The following DCAF7 variants were observed in gnomAD, a reference collection of about 807,000 sequenced individuals.
The protein encoded by DCAF7 is DDB1 and CUL4 associated factor 7, also known as DDB1- and CUL4-associated factor 7.
Under a neutral mutation model 41.2 loss-of-function variants are expected in DCAF7, and 4 were observed. The observed-to-expected ratio is 0.10, with a 90% CI of 0.05 to 0.22. The LOEUF (loss-of-function observed/expected upper bound fraction) is 0.22. Among genes scored for constraint, DCAF7 ranks in the 10% least tolerant of loss-of-function variants. The pLI, the probability that DCAF7 is intolerant of heterozygous loss-of-function variation, is 1.00. For missense variants in DCAF7, 131 were observed against 443.2 expected (o/e 0.30, Z 6.32); for synonymous variants, 143 against 164.2 (o/e 0.87, Z 0.99).
At chr17:63,586,424 C>T (rs529178989) in intron 6 of DCAF7, among the ~76,000 whole-genome samples, 94 of 152,044 alleles carry the variant, frequency 6.2e-4, no homozygotes, top group Non-Finnish European at 1.1e-3. Context: ...CACTGTACTC[C>T]AGCCTGGGCA....
At chr17:63,555,620 A>G (rs2033302537) in intron 1 of DCAF7, among the ~76,000 whole-genome samples, 1 of 152,178 alleles carries the variant, frequency 6.6e-6, no homozygotes, top group African/African-American at 2.4e-5. Context: ...GGTACACATC[A>G]GTACTTTTGA....
intron 1 of DCAF7, among the ~76,000 whole-genome samples, chr17:63,567,666 T>C (rs908537581): frequency 1.3e-5 from 2 of 152,210 alleles, no homozygotes; most frequent in Middle Eastern, 3.2e-3. Context: ...GTCCTTCTTT[T>C]TTTTCCCCCC....
At chr17:63,566,659 A>G (rs1454868529) in intron 1 of DCAF7, among the ~76,000 whole-genome samples, 3 of 152,194 alleles carry the variant, frequency 2.0e-5, no homozygotes, top group African/African-American at 7.2e-5. Context: ...GGTGGCTGAC[A>G]CTGGTAATCC....
chr17:63,571,699 G>A (rs1047779600), intron 1 of DCAF7, among the ~76,000 whole-genome samples: 2 of 152,002 alleles, frequency 1.3e-5, no homozygotes, highest in African/African-American at 2.4e-5. Flanking sequence ...TCTTCTGAAA[G>A]CATTGATAAG....
At chr17:63,552,088 A>G (rs1213752361) in intron 1 of DCAF7, among the ~76,000 whole-genome samples, 2 of 151,866 alleles carry the variant, frequency 1.3e-5, no homozygotes, top group African/African-American at 2.4e-5. Context: ...AGAAAAAAAA[A>G]GAAGAATAAA....
intron 1 of DCAF7, among the ~76,000 whole-genome samples, chr17:63,573,550 C>T (rs113833002): frequency 0.017 from 2,510 of 151,942 alleles, 76 homozygotes; most frequent in African/African-American, 0.058. Context: ...CATGGTGAAA[C>T]CCCATCTCTA....
At chr17:63,551,300 T>TCC (rs2033250711) in intron 1 of DCAF7, among the ~76,000 whole-genome samples, 9 of 61,720 alleles carry the variant, frequency 1.5e-4, no homozygotes, top group South Asian at 1.1e-3. Flanking sequence ...CCCCGCCCCC[T>TCC]ACTCCCACCC....
intron 1 of DCAF7, among the ~76,000 whole-genome samples, chr17:63,563,269 G>A (rs1280416769): frequency 6.6e-6 from 1 of 152,152 alleles, no homozygotes; most frequent in Non-Finnish European, 1.5e-5. Flanking sequence ...AACCTCACAG[G>A]TAGTTAAGGG....
intron 6 of DCAF7, among the ~76,000 whole-genome samples, chr17:63,586,680 T>C (rs542965689): frequency 9.1e-4 from 138 of 151,868 alleles, no homozygotes; most frequent in African/African-American, 2.9e-3. Flanking sequence ...GAGAATCGCT[T>C]GAACCTGGGA....
rs547581903 is a variant in DCAF7 at position 63,591,888 on chromosome 17, T to A, written c.*2716T>A. ...CAGCTGGTGATGGCCCTTTTGCTCC[T>A]GGCAGCCTGAGGCACAGCTGCCTGT... On this transcript the variant is annotated 3_prime_UTR_variant, in exon 7 of 7. Coordinates refer to ENST00000614556, the MANE Select transcript of DCAF7 (RefSeq NM_005828.5). 6.6e-6 allele frequency: 1 copy of A among 152,456 alleles called. No homozygotes were observed. Among genetic ancestry groups the A allele is most frequent in the African/African-American group, 2.4e-5 (1 of 41,582 alleles). The allele number at this position is 152,456 out of a possible 1,614,324, so 9.4% of individuals were successfully genotyped here.
At position 63,574,019 on chromosome 17, in the gene DCAF7, G is replaced by A. The variant is rs552584293; in HGVS notation, c.139-4451G>A. 5.9e-5 allele frequency among the ~76,000 whole-genome samples: 9 copies of A among 152,122 alleles called. No individual in the cohort carries two copies. The South Asian group carries it at 1.9e-3, about 32-fold the overall frequency. On this transcript the variant is annotated intron_variant, in intron 1 of 6. Transcript: ENST00000614556. Reference sequence around the variant, plus strand: ...CGGGGGAAGGTGAAGGTTGCTTTTGGTGCCTTCCAGCCTACCCTCAGCACA... The same window carrying A: ...CGGGGGAAGGTGAAGGTTGCTTTTGATGCCTTCCAGCCTACCCTCAGCACA...
chr17:63,555,305 G>T (rs1274573477), intron 1 of DCAF7, among the ~76,000 whole-genome samples: 2 of 152,108 alleles, frequency 1.3e-5, no homozygotes, highest in Non-Finnish European at 2.9e-5. Context: ...TATTTTTGAG[G>T]TTCTGAGGAG....
intron 4 of DCAF7, 119 bp from the exon 5 acceptor site, chr17:63,583,383 A>T: frequency 1.1e-6 from 1 of 899,432 alleles, no homozygotes; most frequent in Non-Finnish European, 1.8e-6. Context: ...TTTGGGCTTC[A>T]TTTATCTGCT....
chr17:63,562,900 C>T (rs970939481), intron 1 of DCAF7, among the ~76,000 whole-genome samples: 1 of 151,692 alleles, frequency 6.6e-6, no homozygotes, highest in African/African-American at 2.4e-5. Flanking sequence ...TCACAGCTCA[C>T]TGCAGCCTCA....
chr17:63,556,765 G>A lies in DCAF7; in HGVS notation c.138+5950G>A, dbSNP rs571576400. Among the ~76,000 whole-genome samples the A allele has an allele frequency of 3.9e-5, 6 of 152,288 alleles. No individual in the cohort carries two copies. In the South Asian group the frequency reaches 1.0e-3, roughly 26 times the overall value. On this transcript the variant is annotated intron_variant, in intron 1 of 6. Transcript: ENST00000614556. ...GCCTGTAATCCAAGCTACTTGGGAGGCTGAGGCAGGAGAATCACTTGAACC... is the reference window on the plus strand; with the variant it reads ...GCCTGTAATCCAAGCTACTTGGGAGACTGAGGCAGGAGAATCACTTGAACC...
chr17:63,573,527 G>A (rs1033245238), intron 1 of DCAF7, among the ~76,000 whole-genome samples: 1 of 151,878 alleles, frequency 6.6e-6, no homozygotes, highest in Admixed American at 6.6e-5. Flanking sequence ...GAGCTTGAGA[G>A]CAGCCTGACC....
Position 63,550,627 on chromosome 17 carries a change from C to T in DCAF7, c.-51C>T. On this transcript the variant is annotated 5_prime_UTR_variant, in exon 1 of 7. Transcript: ENST00000614556. This position sits in a 1 kb window ranked among gnomAD's most constrained non-coding sequence, Gnocchi z 4.8. ...CATAGATCTCAGGCTCGGCTCCCCG[C>T]CCGCCGCAGCCCACTGTTGACCCGG... The T allele has an allele frequency of 6.3e-7, 1 of 1,598,246 alleles. No homozygotes were observed. The highest frequency in any genetic ancestry group is 1.3e-5 in the African/African-American group (1 of 74,818).
intron 1 of DCAF7, among the ~76,000 whole-genome samples, chr17:63,560,784 AAG>A (rs1568098328): frequency 6.6e-6 from 1 of 152,258 alleles, no homozygotes; most frequent in African/African-American, 2.4e-5. Flanking sequence ...GAACTTCAGA[AAG>A]AGGAATAAAC....
Position 63,582,000 on chromosome 17 carries a change from C to T in DCAF7, c.529-1502C>T, listed in dbSNP as rs117666889. On this transcript the variant is annotated intron_variant, in intron 4 of 6. Coordinates refer to ENST00000614556, the MANE Select transcript of DCAF7 (RefSeq NM_005828.5). ...AGCCGAGAGAGCATTACACACTCAG[C>T]CACGCTGCCCATGGCACCTGTGGGA... is the stretch of plus-strand genomic sequence containing the variant. 1.9e-3 allele frequency among the ~76,000 whole-genome samples: 284 copies of T among 152,260 alleles called. 1 individual carries two copies. The highest frequency in any genetic ancestry group is 0.012 in the South Asian group (60 of 4,826).
Sources: allele counts gnomAD v4.1 joint callset (sites outside exome capture counted in the v4.1 genomes callset), GRCh38; gene constraint gnomAD v4.1.1; non-coding constraint Gnocchi (gnomAD v3.1); transcripts MANE v1.5; gene names NCBI Gene and HGNC (gene_info 2026-07-23, HGNC 2026-07-21).